Variants in OPA1 observed in about 807,000 individuals in gnomAD.
OPA1 encodes the protein dynamin-like GTPase OPA1, mitochondrial.
OPA1 carries 59 observed loss-of-function variants against 152.9 expected under a neutral mutation model. That is an observed-to-expected ratio of 0.39 (90% CI 0.31 to 0.48). The LOEUF is 0.48. OPA1 is among the 20% of genes least tolerant of loss of function. The pLI, the probability that OPA1 is intolerant of heterozygous loss-of-function variation, is 0.96. For synonymous variants in OPA1, 400 were observed against 389.9 expected, an observed-to-expected ratio of 1.03 and a Z score of -0.31; for missense variants, 1,008 against 1,216.8, an observed-to-expected ratio of 0.83 and a Z score of 2.55.
chr3:193,684,913 A>G, intron 29 of OPA1, among the ~76,000 whole-genome samples: 1 of 152,250 alleles, frequency 6.6e-6, no homozygotes, highest in African/African-American at 2.4e-5. Flanking sequence ...ATAGGCCTTA[A>G]AATATGTAGA....
intron 6 of OPA1, among the ~76,000 whole-genome samples, chr3:193,622,832 G>A (rs764913717): frequency 2.6e-5 from 4 of 152,106 alleles, no homozygotes; most frequent in East Asian, 1.9e-4. Context: ...GATTTAACTC[G>A]GTAGAGTAGA....
chr3:193,651,966 GTAGA>G (rs1448693894), intron 21 of OPA1, among the ~76,000 whole-genome samples: 3 of 152,214 alleles, frequency 2.0e-5, no homozygotes, highest in Non-Finnish European at 4.4e-5. Context: ...TAAAGTTTCT[GTAGA>G]TAAAGAAGGC....
At chr3:193,633,359 A>G (rs950400260) in intron 8 of OPA1, among the ~76,000 whole-genome samples, 9 of 152,238 alleles carry the variant, frequency 5.9e-5, no homozygotes, top group Non-Finnish European at 8.8e-5. Context: ...TCAATAGCAC[A>G]TCTCTTCAGG....
chr3:193,622,074 A>G (rs1730189410), intron 6 of OPA1, among the ~76,000 whole-genome samples: 1 of 152,150 alleles, frequency 6.6e-6, no homozygotes, highest in Non-Finnish European at 1.5e-5. Context: ...AAATATGGCG[A>G]TTCAGAAGGC....
intron 29 of OPA1, among the ~76,000 whole-genome samples, chr3:193,671,124 C>G (rs180960545): frequency 1.3e-5 from 2 of 152,154 alleles, no homozygotes; most frequent in East Asian, 3.9e-4. Context: ...TATGTCATCA[C>G]GCAAAATATG....
intron 1 of OPA1, among the ~76,000 whole-genome samples, chr3:193,604,874 AAG>A (rs1491075735): frequency 2.8e-4 from 39 of 141,344 alleles, no homozygotes; most frequent in African/African-American, 9.1e-4. Flanking sequence ...AAAAAAAAAA[AAG>A]AAAAAAGAAA....
chr3:193,615,398 T>C (rs1317510841), intron 2 of OPA1, among the ~76,000 whole-genome samples: 2 of 152,216 alleles, frequency 1.3e-5, no homozygotes, highest in Admixed American at 1.3e-4. Flanking sequence ...TCTCCCAGTC[T>C]GTCTTCCTTC....
Position 193,696,967 on chromosome 3 carries a change from T to C in OPA1, c.*2367T>C, listed in dbSNP as rs1164668832. 6.6e-6 allele frequency: 1 copy of C among 152,214 alleles called. No individual in the cohort carries two copies. Among genetic ancestry groups the C allele is most frequent in the Non-Finnish European group, 1.5e-5 (1 of 68,030 alleles). The allele number at this position is 152,214 out of a possible 1,614,324, so 9.4% of individuals were successfully genotyped here. The stretch of plus-strand genomic sequence containing the variant: ...CAACCTTTCTAGTAGTTTATGATAT[T>C]GCCCTCTTTGTATTCCCATTTTCTA... On this transcript the variant is annotated 3_prime_UTR_variant, in exon 31 of 31. Coordinates refer to ENST00000361510, the MANE Select transcript of OPA1 (RefSeq NM_130837.3).
intron 6 of OPA1, 124 bp downstream of exon 6, chr3:193,619,060 T>TA (rs1729559458): frequency 1.3e-6 from 1 of 771,232 alleles, no homozygotes. Context: ...CAAGTAGAGA[T>TA]ATCGTTACTA....
At chr3:193,688,749 G>A (rs1337832820) in intron 29 of OPA1, among the ~76,000 whole-genome samples, 1 of 152,086 alleles carries the variant, frequency 6.6e-6, no homozygotes, top group Non-Finnish European at 1.5e-5. Context: ...GTGAAGCCGA[G>A]TGGGGAGGAT....
intron 6 of OPA1, chr3:193,624,421 G>A (rs1302576893): frequency 6.6e-6 from 1 of 152,160 alleles, no homozygotes; most frequent in African/African-American, 2.4e-5. Context: ...TCTTTAAAGG[G>A]AATTGTTTGA....
intron 29 of OPA1, among the ~76,000 whole-genome samples, chr3:193,687,463 T>C (rs1235037129): frequency 6.6e-6 from 1 of 152,224 alleles, no homozygotes; most frequent in Non-Finnish European, 1.5e-5. Flanking sequence ...ATCACAAATT[T>C]TATTCTTTAT....
At chr3:193,634,286 A>C (rs993419820) in intron 8 of OPA1, among the ~76,000 whole-genome samples, 10 of 151,874 alleles carry the variant, frequency 6.6e-5, no homozygotes, top group Non-Finnish European at 1.2e-4. Context: ...TACTTACAAA[A>C]AAAAAACCTG....
chr3:193,602,048 G>GA (rs918294485), intron 1 of OPA1, among the ~76,000 whole-genome samples: 15 of 152,182 alleles, frequency 9.9e-5, no homozygotes, highest in Admixed American at 2.6e-4. Context: ...AAGGATTAGG[G>GA]AAAAAAATAA....
chr3:193,609,505 A>T (rs1727843133), intron 1 of OPA1, among the ~76,000 whole-genome samples: 1 of 152,202 alleles, frequency 6.6e-6, no homozygotes, highest in African/African-American at 2.4e-5. Context: ...TGAATCTGAC[A>T]ATTATGTGTC....
chr3:193,594,329 C>CT (rs1372849619), intron 1 of OPA1, among the ~76,000 whole-genome samples: 1 of 152,076 alleles, frequency 6.6e-6, no homozygotes, highest in East Asian at 1.9e-4. Flanking sequence ...TTTTCCAGAC[C>CT]TTTTTAAGTG....
chr3:193,677,751 T>C (rs1287180270), intron 29 of OPA1, among the ~76,000 whole-genome samples: 1 of 152,206 alleles, frequency 6.6e-6, no homozygotes, highest in African/African-American at 2.4e-5. Flanking sequence ...TCAGAATTAC[T>C]TTGAAATGTT....
intron 6 of OPA1, chr3:193,619,517 A>G (rs113848294): frequency 0.03 from 4,585 of 152,624 alleles, 65 homozygotes; most frequent in African/African-American, 0.035. Flanking sequence ...CATATTCATT[A>G]ACAAAATCCA....
chr3:193,649,561 G>C (rs1453452269), intron 21 of OPA1, among the ~76,000 whole-genome samples: 1 of 152,128 alleles, frequency 6.6e-6, no homozygotes, highest in African/African-American at 2.4e-5. Context: ...GTATTTTTAA[G>C]AATTTATTTT....
Sources: allele counts gnomAD v4.1 joint callset (sites outside exome capture counted in the v4.1 genomes callset), GRCh38; gene constraint gnomAD v4.1.1; transcripts MANE v1.5; gene names NCBI Gene and HGNC (gene_info 2026-07-23, HGNC 2026-07-21).